The following KCND2 variants were observed in gnomAD, a reference collection of about 807,000 sequenced individuals.
KCND2 encodes A-type voltage-gated potassium channel KCND2.
In KCND2, 16 loss-of-function variants were observed where a neutral mutation model predicts 54.4. That is an observed-to-expected ratio of 0.29 (90% confidence interval 0.20 to 0.45). The LOEUF (loss-of-function observed/expected upper bound fraction) is 0.45. KCND2 is among the 20% of genes least tolerant of loss of function. KCND2 has a pLI of 1.00. For synonymous variants in KCND2, 317 were observed against 310.7 expected, an observed-to-expected ratio of 1.02 and a Z score of -0.21; for missense variants, 486 against 824.2, an observed-to-expected ratio of 0.59 and a Z score of 5.02.
chr7:120,661,613 G>A lies in KCND2; in HGVS notation c.1116-71290G>A, dbSNP rs574084112. ...TGCAGTGAGCCAAGATCACGCCACCGCACTCCAGCCTGGGTGACAGAGCTA... is the reference window on the plus strand; with the variant it reads ...TGCAGTGAGCCAAGATCACGCCACCACACTCCAGCCTGGGTGACAGAGCTA... On this transcript the variant is annotated intron_variant, in intron 1 of 5. Coordinates refer to ENST00000331113, the MANE Select transcript of KCND2 (RefSeq NM_012281.3). Among the ~76,000 whole-genome samples the A allele has an allele frequency of 7.9e-5, 12 of 151,008 alleles. 1 individual carries two copies. In the South Asian group the frequency reaches 1.9e-3, roughly 24 times the overall value.
upstream of KCND2, among the ~76,000 whole-genome samples, chr7:120,272,981 C>T (rs1222922416): frequency 6.6e-6 from 1 of 152,078 alleles, no homozygotes; most frequent in Admixed American, 6.5e-5. Context: ...TCCACCAAAC[C>T]ACCGCAGCCC....
chr7:120,438,414 T>C (rs976111635), intron 1 of KCND2, among the ~76,000 whole-genome samples: 9 of 152,210 alleles, frequency 5.9e-5, no homozygotes, highest in Admixed American at 2.6e-4. Flanking sequence ...GGAATCATTT[T>C]ATATAGGCCA....
chr7:120,461,159 C>A (rs1465826029), intron 1 of KCND2, among the ~76,000 whole-genome samples: 1 of 152,010 alleles, frequency 6.6e-6, no homozygotes. Flanking sequence ...TACCTTTGCC[C>A]CGAGCACCCA....
At chr7:120,334,116 A>G (rs1400966407) in intron 1 of KCND2, among the ~76,000 whole-genome samples, 2 of 152,112 alleles carry the variant, frequency 1.3e-5, no homozygotes, top group Non-Finnish European at 2.9e-5. Context: ...CTGTAAGAGG[A>G]ACATAAGAAA....
chr7:120,314,249 A>C (rs970985341), intron 1 of KCND2, among the ~76,000 whole-genome samples: 13 of 151,796 alleles, frequency 8.6e-5, no homozygotes, highest in Admixed American at 3.3e-4. Context: ...TTCAAAATGC[A>C]TTGAACCCGG....
At chr7:120,739,798 A>AGC (rs779585490) in intron 2 of KCND2, among the ~76,000 whole-genome samples, 24 of 144,066 alleles carry the variant, frequency 1.7e-4, no homozygotes, top group African/African-American at 6.0e-4. Context: ...TAACAAAAGA[A>AGC]ACACACACAC....
At chr7:120,461,205 A>T (rs1026379761) in intron 1 of KCND2, among the ~76,000 whole-genome samples, 5 of 152,134 alleles carry the variant, frequency 3.3e-5, no homozygotes, top group African/African-American at 4.8e-5. Flanking sequence ...CAGCTCCTAC[A>T]ATGATTTGTA....
intron 1 of KCND2, among the ~76,000 whole-genome samples, chr7:120,703,021 A>G (rs1040378460): frequency 4.6e-5 from 7 of 152,162 alleles, no homozygotes; most frequent in African/African-American, 9.7e-5. Context: ...CAGAATTTCA[A>G]TATGTTACTG....
At chr7:120,588,246 G>A (rs1282664121) in intron 1 of KCND2, among the ~76,000 whole-genome samples, 1 of 152,000 alleles carries the variant, frequency 6.6e-6, no homozygotes, top group Non-Finnish European at 1.5e-5. Context: ...GTGTGTGTGA[G>A]GTTTAAAAGT....
intron 1 of KCND2, among the ~76,000 whole-genome samples, chr7:120,341,657 C>G (rs965354183): frequency 1.2e-4 from 18 of 151,990 alleles, no homozygotes; most frequent in African/African-American, 4.1e-4. Context: ...ACTTATTTGG[C>G]TGCAATAGAG....
chr7:120,461,156 G>GC (rs1273537414), intron 1 of KCND2, among the ~76,000 whole-genome samples: 1 of 151,952 alleles, frequency 6.6e-6, no homozygotes. Flanking sequence ...TAGTACCTTT[G>GC]CCCCGAGCAC....
intron 1 of KCND2, among the ~76,000 whole-genome samples, chr7:120,695,981 A>G (rs566539428): frequency 3.5e-4 from 54 of 152,322 alleles, no homozygotes; most frequent in Middle Eastern, 6.8e-3. Flanking sequence ...GGCACCACTG[A>G]CTTGAGTTTC....
intron 1 of KCND2, among the ~76,000 whole-genome samples, chr7:120,666,568 A>G (rs1487886819): frequency 6.6e-6 from 1 of 152,044 alleles, no homozygotes; most frequent in Non-Finnish European, 1.5e-5. Flanking sequence ...AGAACTCAGC[A>G]TAGATACAAG....
chr7:120,634,542 G>T (rs1793280191), intron 1 of KCND2, among the ~76,000 whole-genome samples: 1 of 152,004 alleles, frequency 6.6e-6, no homozygotes, highest in Non-Finnish European at 1.5e-5. Context: ...CAACTCACTT[G>T]CCGTGCCCTG....
intron 1 of KCND2, among the ~76,000 whole-genome samples, chr7:120,456,364 A>G (rs749295493): frequency 2.0e-5 from 3 of 152,344 alleles, no homozygotes; most frequent in Admixed American, 6.5e-5. Flanking sequence ...AATAATCTGT[A>G]TGGCTGTCAA....
intron 1 of KCND2, among the ~76,000 whole-genome samples, chr7:120,351,273 A>G (rs1467203036): frequency 8.8e-6 from 1 of 114,114 alleles, no homozygotes; most frequent in African/African-American, 3.3e-5. Flanking sequence ...TATATCCAGT[A>G]TATTATTTCA....
At chr7:120,366,053 T>C (rs1188817496) in intron 1 of KCND2, among the ~76,000 whole-genome samples, 1 of 152,156 alleles carries the variant, frequency 6.6e-6, no homozygotes, top group Non-Finnish European at 1.5e-5. Context: ...GTAGAGATGA[T>C]TCCAGTTAGT....
chr7:120,452,395 A>G (rs1476583116), intron 1 of KCND2, among the ~76,000 whole-genome samples: 2 of 152,208 alleles, frequency 1.3e-5, no homozygotes, highest in African/African-American at 2.4e-5. Flanking sequence ...AGACACAGCC[A>G]TTTGGAACAT....
rs559411872 is a variant in KCND2 at position 120,731,736 on chromosome 7, C to T, written c.1116-1167C>T. Among the ~76,000 whole-genome samples, 5 of 152,238 alleles carry T rather than the reference C, an allele frequency of 3.3e-5. No homozygotes were observed. The East Asian group carries it at 5.8e-4, about 18-fold the overall frequency. On this transcript the variant is annotated intron_variant, in intron 1 of 5. Coordinates refer to ENST00000331113, the MANE Select transcript of KCND2 (RefSeq NM_012281.3). Reference sequence around the variant, plus strand: ...CTATGGCTCTGGCAAGAAATGACCACGGTTTGGTTTATTGTCATAAAGAGA... The same window carrying T: ...CTATGGCTCTGGCAAGAAATGACCATGGTTTGGTTTATTGTCATAAAGAGA...
Sources: allele counts gnomAD v4.1 joint callset (sites outside exome capture counted in the v4.1 genomes callset), GRCh38; gene constraint gnomAD v4.1.1; transcripts MANE v1.5; gene names NCBI Gene and HGNC (gene_info 2026-07-23, HGNC 2026-07-21).